DLEC1: variants seen among roughly 807,000 people sequenced by gnomAD.
DLEC1 encodes DLEC1 cilia and flagella associated protein.
DLEC1 carries 146 observed loss-of-function variants against 198.1 expected under a neutral mutation model. The observed-to-expected ratio is 0.74, with a 90% confidence interval of 0.64 to 0.85. The LOEUF (loss-of-function observed/expected upper bound fraction) is 0.85. Ranked by LOEUF, DLEC1 falls within the 40% of genes least tolerant of loss-of-function variation. The probability of loss-of-function intolerance (pLI) is 0.00; values close to 1 mark genes in which losing one functional copy is unlikely to be tolerated. For synonymous variants in DLEC1, 897 were observed against 866.8 expected (o/e 1.03, Z -0.61); for missense variants, 2,233 against 2,220.0 (o/e 1.01, Z -0.12).
At position 38,113,801 on chromosome 3, in the gene DLEC1, ACT is replaced by A. The variant is rs200303746; in HGVS notation, c.3667-540_3667-539del. On this transcript the variant is annotated intron_variant, in intron 25 of 36. Coordinates refer to ENST00000308059, the MANE Select transcript of DLEC1 (RefSeq NM_007335.4). ...GGGTCTTCACAAAAGAAGTGTAGACACTTGTACACTGAAATGCTAACAGTAAG... is the reference window on the plus strand; with the variant it reads ...GGGTCTTCACAAAAGAAGTGTAGACATGTACACTGAAATGCTAACAGTAAG... Among the ~76,000 whole-genome samples, 827 of 152,334 alleles carry A rather than the reference ACT, an allele frequency of 5.4e-3. 9 individuals are homozygous for A. The highest frequency in any genetic ancestry group is 0.019 in the African/African-American group (795 of 41,574).
chr3:38,110,026 C>T, intron 22 of DLEC1, 73 bp from the exon 23 acceptor site: 1 of 1,551,778 alleles, frequency 6.4e-7, no homozygotes, highest in Non-Finnish European at 8.7e-7. Flanking sequence ...CATGCCCACC[C>T]AAGATGGCTC....
intron 8 of DLEC1, 28 bp from the exon 9 acceptor site, chr3:38,086,213 T>G (rs776510661): frequency 6.3e-7 from 1 of 1,592,032 alleles, no homozygotes; most frequent in Non-Finnish European, 8.6e-7. Flanking sequence ...CTGTTGTTTC[T>G]CTTGCACATG....
Position 38,088,317 on chromosome 3 carries a change from G to A in DLEC1, c.1594G>A (p.Val532Ile), listed in dbSNP as rs1698569837. Reference sequence around the variant, plus strand: ...TAAGGCCATTGCAACCGTCGGCTTTGTTGAACAACCTCCTTTTGGAATCCT... The same window carrying A: ...TAAGGCCATTGCAACCGTCGGCTTTATTGAACAACCTCCTTTTGGAATCCT... ...SFKAIATVGF[V>I]EQPPFGILPS... Residue 532 changes from valine (V) to isoleucine (I), a missense_variant, in exon 10 of 37, where the codon GTT becomes ATT. By Grantham distance (29) the Val-to-Ile change is conservative. Transcript: ENST00000308059. 1.2e-6 allele frequency: 2 copies of A among 1,614,058 alleles called. No individual in the cohort carries two copies. Among genetic ancestry groups the A allele is most frequent in the East Asian group, 2.2e-5 (1 of 44,886 alleles).
intron 15 of DLEC1, 75 bp from the exon 16 acceptor site, chr3:38,097,107 C>T (rs1423585678): frequency 1.4e-5 from 19 of 1,367,500 alleles, no homozygotes; most frequent in Non-Finnish European, 1.9e-5. Context: ...GCCCACAATC[C>T]TACAGTCCTT....
At chr3:38,069,511 A>G (rs561261202) in intron 6 of DLEC1, among the ~76,000 whole-genome samples, 1 of 152,194 alleles carries the variant, frequency 6.6e-6, no homozygotes, top group South Asian at 2.1e-4. Flanking sequence ...ACACACACGC[A>G]GCCAATTCTT....
chr3:38,114,876 C>T lies in DLEC1; in HGVS notation c.3786-107C>T, dbSNP rs567619034. The T allele has an allele frequency of 1.6e-4, 153 of 957,228 alleles. 2 individuals carry two copies. The South Asian group carries it at 2.0e-3, about 12-fold the overall frequency. The allele number at this position is 957,228 out of a possible 1,614,324, so 59.3% of individuals were successfully genotyped here. On this transcript the variant is annotated intron_variant, in intron 26 of 36. Coordinates refer to ENST00000308059, the MANE Select transcript of DLEC1 (RefSeq NM_007335.4). ...TCATTAATTCTCGAGTGAGGCCAGA[C>T]CACTGTGGTATTTCCCCCTGCCTGA... is the stretch of plus-strand genomic sequence containing the variant.
chr3:38,055,791 C>T (rs550791547), intron 2 of DLEC1, among the ~76,000 whole-genome samples: 26 of 152,120 alleles, frequency 1.7e-4, no homozygotes, highest in South Asian at 6.2e-4. Context: ...AAATTAGAGC[C>T]CTCACCAACA....
Position 38,120,734 on chromosome 3 carries a change from G to A in DLEC1, c.4866+125G>A, listed in dbSNP as rs778118769. On this transcript the variant is annotated intron_variant, in intron 34 of 36. Coordinates refer to ENST00000308059, the MANE Select transcript of DLEC1 (RefSeq NM_007335.4). ...ATAAGGAGCCCCTGCCCCTGTCCTG[G>A]GGCTCAGTCTCCCCTAGAAGAGGCC... 1.4e-5 allele frequency: 19 copies of A among 1,338,074 alleles called. 1 individual carries two copies. The highest frequency in any genetic ancestry group is 1.9e-5 in the Non-Finnish European group (19 of 986,900). The allele number at this position is 1,338,074 out of a possible 1,614,324, so 82.9% of individuals were successfully genotyped here.
At chr3:38,059,471 T>A (rs1312305890) in intron 2 of DLEC1, among the ~76,000 whole-genome samples, 1 of 152,248 alleles carries the variant, frequency 6.6e-6, no homozygotes, top group Admixed American at 6.5e-5. Context: ...TTATTCAATC[T>A]ACCATATTTC....
intron 2 of DLEC1, among the ~76,000 whole-genome samples, chr3:38,050,597 C>T (rs935579590): frequency 1.3e-5 from 2 of 151,994 alleles, no homozygotes; most frequent in Non-Finnish European, 2.9e-5. Context: ...CACTCCCTGC[C>T]TGCCCCCACC....
At chr3:38,108,574 C>T in intron 21 of DLEC1, 59 bp downstream of exon 21, 1 of 1,370,912 alleles carries the variant, frequency 7.3e-7, no homozygotes, top group Admixed American at 1.8e-5. Context: ...ACCATACGCA[C>T]CTGTGCCACC....
At position 38,039,650 on chromosome 3, in the gene DLEC1, G is replaced by A. The variant is rs576918091; in HGVS notation, c.411+14G>A. The A allele has an allele frequency of 6.3e-7, 1 of 1,586,660 alleles. No individual in the cohort carries two copies. Among genetic ancestry groups the A allele is most frequent in the African/African-American group, 1.3e-5 (1 of 74,338 alleles). On this transcript the variant is annotated intron_variant, in intron 1 of 36. Transcript: ENST00000308059. ...CAGCTGCAGCAGGTAACGTGGCGGTGGCGTCGCGTCTGCGGACGGTGCCGG... is the reference window on the plus strand; with the variant it reads ...CAGCTGCAGCAGGTAACGTGGCGGTAGCGTCGCGTCTGCGGACGGTGCCGG...
chr3:38,104,492 T>TC (rs1198217257), intron 19 of DLEC1, among the ~76,000 whole-genome samples: 5 of 152,154 alleles, frequency 3.3e-5, no homozygotes, highest in Non-Finnish European at 7.4e-5. Context: ...ATTTTTTTTT[T>TC]TTTCTCAGTT....
rs748946666 is a variant in DLEC1 at position 38,059,788 on chromosome 3, ACAT to A, written c.613_615del (p.His205del). ...GTATAGACAGCGAGTTGCTACGGAA[ACAT>A]CATTTGATCTCCCCAGAAGATTACT... On this transcript the variant is annotated inframe_deletion, in exon 3 of 37. Transcript: ENST00000308059. 1.2e-6 allele frequency: 2 copies of A among 1,614,166 alleles called. No individual in the cohort carries two copies. The highest frequency in any genetic ancestry group is 8.5e-7 in the Non-Finnish European group (1 of 1,180,028).
In DLEC1 at chr3:38,097,755, C is replaced by G. The variant is rs1232960578; in HGVS notation, c.2577C>G (p.Leu859=). ...TCTGGGTGTCTCAGGGGCCTGCCCT[C>G]ATCATCAACGTCTCAGCCCTTCAGT... ...HIEAVFKGPA[L]IINVSALQFG... The change falls in exon 18 of 37, where the codon CTC becomes CTG. Residue 859 remains leucine, a synonymous_variant. Coordinates refer to ENST00000308059, the MANE Select transcript of DLEC1 (RefSeq NM_007335.4). 6.2e-7 allele frequency: 1 copy of G among 1,614,054 alleles called. No individual in the cohort carries two copies. Among genetic ancestry groups the G allele is most frequent in the South Asian group, 1.1e-5 (1 of 91,088 alleles).
At chr3:38,110,302 T>G (rs1455972832) in intron 23 of DLEC1, 21 bp downstream of exon 23, 2 of 1,613,336 alleles carry the variant, frequency 1.2e-6, no homozygotes, top group African/African-American at 1.3e-5. Context: ...CTTCTTTCAC[T>G]TCCCAGGGCA....
chr3:38,061,008 T>C (rs759686559), intron 3 of DLEC1, among the ~76,000 whole-genome samples: 8 of 152,032 alleles, frequency 5.3e-5, no homozygotes, highest in Non-Finnish European at 8.8e-5. Flanking sequence ...TTAAAGTTAG[T>C]TGGAAACTCA....
intron 27 of DLEC1, 122 bp from the exon 28 acceptor site, chr3:38,116,331 A>AC (rs1370510711): frequency 1.1e-6 from 1 of 892,394 alleles, no homozygotes; most frequent in South Asian, 1.6e-5. Flanking sequence ...GCAGAGAGGC[A>AC]CCCCCTCCAC....
chr3:38,116,103 G>A (rs1700143442), intron 27 of DLEC1, among the ~76,000 whole-genome samples: 2 of 151,922 alleles, frequency 1.3e-5, no homozygotes, highest in Admixed American at 1.3e-4. Flanking sequence ...ATGGGGAGAA[G>A]GAAGGGCATG....
Sources: allele counts gnomAD v4.1 joint callset (sites outside exome capture counted in the v4.1 genomes callset), GRCh38; gene constraint gnomAD v4.1.1; transcripts MANE v1.5; gene names NCBI Gene and HGNC (gene_info 2026-07-23, HGNC 2026-07-21).